Variants in FANCD2 observed in about 807,000 individuals in gnomAD.
The protein encoded by FANCD2 is Fanconi anemia group D2 protein.
A neutral mutation model predicts 192.3 loss-of-function variants in FANCD2; 131 were observed. That is an observed-to-expected ratio of 0.68 (90% CI 0.59 to 0.79). The LOEUF (loss-of-function observed/expected upper bound fraction) is 0.79. FANCD2 is among the 30% of genes least tolerant of loss of function. FANCD2 has a pLI of 0.00. For synonymous variants in FANCD2, 524 were observed against 612.5 expected (o/e 0.86, Z 2.13); for missense variants, 1,508 against 1,701.6 (o/e 0.89, Z 2.00).
At position 10,076,689 on chromosome 3, in the gene FANCD2, A is replaced by C. The variant is rs143048416; in HGVS notation, c.2860-1392A>C. ...CTCAGCCTTCCAAGTATCTAGGGCC[A>C]CTGGCATGCCCCACTACACCCGGCT... On this transcript the variant is annotated intron_variant, in intron 29 of 43. Transcript: ENST00000675286. Among the ~76,000 whole-genome samples the C allele has an allele frequency of 3.9e-5, 6 of 152,168 alleles. No homozygotes were observed. The East Asian group carries it at 1.2e-3, about 29-fold the overall frequency.
rs139993010 is a variant in FANCD2 at position 10,058,693 on chromosome 3, T to A, written c.1657-1601T>A. On this transcript the variant is annotated intron_variant, in intron 18 of 43. Coordinates refer to ENST00000675286, the MANE Select transcript of FANCD2 (RefSeq NM_001018115.3). ...TTATCTTTGAACTCTGTATTCTATT[T>A]CATTGGTCTATACGTCTGTCCTTCT... 3.7e-4 allele frequency among the ~76,000 whole-genome samples: 56 copies of A among 152,326 alleles called. 1 individual carries two copies. Among genetic ancestry groups the A allele is most frequent in the Middle Eastern group, 6.8e-3 (2 of 294 alleles).
At chr3:10,030,289 G>C (rs1365489891) in intron 2 of FANCD2, among the ~76,000 whole-genome samples, 1 of 150,632 alleles carries the variant, frequency 6.6e-6, no homozygotes, top group South Asian at 2.1e-4. Context: ...TAGAGAAGGG[G>C]TTTCACCGTG....
intron 18 of FANCD2, 81 bp from the exon 19 acceptor site, chr3:10,060,213 C>G: frequency 1.1e-6 from 1 of 916,020 alleles, no homozygotes; most frequent in Non-Finnish European, 1.8e-6. Context: ...CCTTTATAGT[C>G]TAGCTATATG....
At chr3:10,052,769 A>G (rs1169182432) in intron 18 of FANCD2, among the ~76,000 whole-genome samples, 1 of 151,796 alleles carries the variant, frequency 6.6e-6, no homozygotes, top group South Asian at 2.1e-4. Context: ...CAAAAAACAC[A>G]TGAAAAAGTG....
intron 18 of FANCD2, among the ~76,000 whole-genome samples, chr3:10,054,450 T>TACATGTATATAC (rs2087334356): frequency 1.4e-4 from 3 of 22,166 alleles, no homozygotes; most frequent in African/African-American, 6.1e-4. Flanking sequence ...TATATACATA[T>TACATGTATATAC]ATATATATAT....
In FANCD2 at chr3:10,088,523, C is replaced by G; in HGVS notation, c.3541C>G (p.Gln1181Glu). 1 of 1,605,768 alleles carries G rather than the reference C, an allele frequency of 6.2e-7. No individual in the cohort carries two copies. Among genetic ancestry groups the G allele is most frequent in the South Asian group, 1.1e-5 (1 of 90,890 alleles). ...AGAGAAGAGCAACATCTCTAATGAC[C>G]AGCTCCATGCTCTGCTCTGGTGAGA... ...DKEKSNISNDQLHALLCIYLE... is the reference protein window; with the variant it reads ...DKEKSNISNDELHALLCIYLE... Residue 1181 changes from glutamine to glutamate, a missense_variant, in exon 35 of 44, where the codon CAG becomes GAG. Gln to Glu is a conservative substitution (Grantham distance 29). Transcript: ENST00000675286.
chr3:10,060,405 T>A lies in FANCD2; in HGVS notation c.1766+2T>A, dbSNP rs749888624. ...GGCTGGCATCATGGCGGCAGACAGG[T>A]ACACGTGGAGATTCTGACTTCTGTG... On this transcript the variant is annotated splice_donor_variant, in intron 19 of 43. Transcript: ENST00000675286. LOFTEE classifies it high-confidence loss of function. The A allele has an allele frequency of 4.3e-6, 7 of 1,609,266 alleles. No individual in the cohort carries two copies. The highest frequency in any genetic ancestry group is 5.1e-6 in the Non-Finnish European group (6 of 1,175,558).
rs1559394793 is a variant in FANCD2 at position 10,073,345 on chromosome 3, A to C, written c.2698A>C (p.Arg900=). 2 of 1,612,136 alleles carry C rather than the reference A, an allele frequency of 1.2e-6. No homozygotes were observed. The highest frequency in any genetic ancestry group is 1.7e-6 in the Non-Finnish European group (2 of 1,178,174). The change falls in exon 28 of 44, where the codon AGA becomes CGA. Residue 900 remains arginine, a synonymous_variant. Transcript: ENST00000675286. ...AGAATGTGACCCTACGCCATCTCAT[A>C]GAGGCCAGCTAAACAAGGTATTGGA... ...NSECDPTPSH[R]GQLNKEFTGK...
At chr3:10,050,643 A>G (rs941760422) in intron 17 of FANCD2, among the ~76,000 whole-genome samples, 3 of 147,730 alleles carry the variant, frequency 2.0e-5, no homozygotes, top group Non-Finnish European at 4.5e-5. Flanking sequence ...AAAAAAAAAA[A>G]GGCTTAGAAG....
At chr3:10,063,731 G>C in intron 20 of FANCD2, 61 bp from the exon 21 acceptor site, 1 of 1,610,746 alleles carries the variant, frequency 6.2e-7, no homozygotes, top group South Asian at 1.1e-5. Flanking sequence ...TGAAAGGGGC[G>C]AGTGGAGTTT....
Position 10,090,390 on chromosome 3 carries a change from G to T in FANCD2, c.3777+5G>T. On this transcript the variant is annotated splice_donor_5th_base_variant and intron_variant, in intron 37 of 43. Transcript: ENST00000675286. ...ACAGCAGCAGACTCGCAGCAGGTGA[G>T]TAAGATAATAGTCACTTCAAGAAGT... The T allele has an allele frequency of 2.0e-6, 3 of 1,515,332 alleles. No individual in the cohort carries two copies. Among genetic ancestry groups the T allele is most frequent in the South Asian group, 2.2e-5 (2 of 89,728 alleles). The allele number at this position is 1,515,332 out of a possible 1,614,324, so 93.9% of individuals were successfully genotyped here.
chr3:10,050,738 T>G (rs2125008789), intron 17 of FANCD2, among the ~76,000 whole-genome samples: 1 of 151,614 alleles, frequency 6.6e-6, no homozygotes, highest in East Asian at 1.9e-4. Flanking sequence ...CCTGGAAGAT[T>G]AATAATGTGA....
In FANCD2 at chr3:10,081,509, T is replaced by G. The variant is rs752630158; in HGVS notation, c.3224+45T>G. On this transcript the variant is annotated intron_variant, in intron 32 of 43. Transcript: ENST00000675286. Reference sequence around the variant, plus strand: ...GGAGAGAACTGAGTATATACTTGCTTTTATTTGACAGTCACCAAGGCACTG... The same window carrying G: ...GGAGAGAACTGAGTATATACTTGCTGTTATTTGACAGTCACCAAGGCACTG... 3 of 1,303,012 alleles carry G rather than the reference T, an allele frequency of 2.3e-6. No homozygotes were observed. The East Asian group carries it at 6.9e-5, about 30-fold the overall frequency. 80.7% of individuals were successfully genotyped at this position (1,303,012 alleles called of 1,614,324 possible).
chr3:10,088,216 A>G (rs1694350300), intron 34 of FANCD2, among the ~76,000 whole-genome samples: 1 of 152,056 alleles, frequency 6.6e-6, no homozygotes, highest in Non-Finnish European at 1.5e-5. Flanking sequence ...GTGTGTTTCA[A>G]GATGGGGTTG....
Position 10,096,442 on chromosome 3 carries a change from G to T in FANCD2, c.4155G>T (p.Trp1385Cys), listed in dbSNP as rs1694971369. ...LTLNNCREAFWLGNLKNRDLQ... is the reference protein window; with the variant it reads ...LTLNNCREAFCLGNLKNRDLQ... The stretch of plus-strand genomic sequence containing the variant: ...TCAACAATTGTAGAGAGGCTTTCTG[G>T]CTGGGCAATCTAAAAAACCGGGACT... Residue 1385 changes from tryptophan (W) to cysteine (C), a missense_variant, in exon 42 of 44, where the codon TGG (tryptophan) becomes TGT (cysteine). By Grantham distance (215) the Trp-to-Cys change is radical. Transcript: ENST00000675286. 2 of 1,614,136 alleles carry T rather than the reference G, an allele frequency of 1.2e-6. No homozygotes were observed. The highest frequency in any genetic ancestry group is 1.1e-5 in the South Asian group (1 of 91,078).
chr3:10,044,720 A>G (rs2086954041), intron 14 of FANCD2, among the ~76,000 whole-genome samples: 1 of 152,232 alleles, frequency 6.6e-6, no homozygotes, highest in African/African-American at 2.4e-5. Flanking sequence ...TTATCTTAAA[A>G]GCTTTCATGA....
At chr3:10,083,549 G>C (rs1693976751) in intron 32 of FANCD2, 1 of 152,096 alleles carries the variant, frequency 6.6e-6, no homozygotes, top group African/African-American at 2.4e-5. Context: ...CCTACCATGT[G>C]ACTCAGCCAT....
At chr3:10,090,443 ATTTTTTTT>A (rs773716319) in intron 37 of FANCD2, 58 bp downstream of exon 37, 35 of 342,290 alleles carry the variant, frequency 1.0e-4, no homozygotes, top group Middle Eastern at 8.6e-4. Flanking sequence ...GAAGTTGCTG[ATTTTTTTT>A]TTTTTTTTTT....
intron 43 of FANCD2, among the ~76,000 whole-genome samples, chr3:10,100,166 C>T (rs920457892): frequency 2.6e-5 from 4 of 152,154 alleles, no homozygotes; most frequent in Admixed American, 1.3e-4. Context: ...GATGACAGAG[C>T]GAGACCCTGT....
Sources: allele counts gnomAD v4.1 joint callset (sites outside exome capture counted in the v4.1 genomes callset), GRCh38; gene constraint gnomAD v4.1.1; transcripts MANE v1.5; gene names NCBI Gene and HGNC (gene_info 2026-07-23, HGNC 2026-07-21).